The following ZFP2 variants were observed in gnomAD, a reference collection of about 807,000 sequenced individuals.
ZFP2 encodes zinc finger protein ZFP2.
ZFP2 carries 33 observed loss-of-function variants against 36.1 expected under a neutral mutation model. The ratio of observed to expected loss-of-function variants is 0.92; its 90% confidence interval spans 0.69 to 1.22. ZFP2 has a LOEUF of 1.22. Among genes scored for constraint, ZFP2 ranks in the 50% most tolerant of loss-of-function variants. The probability of loss-of-function intolerance (pLI) is 0.00; values close to 1 mark genes in which losing one functional copy is unlikely to be tolerated. For missense variants in ZFP2, 522 were observed against 551.4 expected (o/e 0.95, Z 0.53); for synonymous variants, 170 against 178.0 (o/e 0.96, Z 0.36).
At position 178,906,386 on chromosome 5, in the gene ZFP2, T is replaced by G. The variant is rs190254690; in HGVS notation, c.-449-6198T>G. On this transcript the variant is annotated intron_variant, in intron 1 of 4. Coordinates refer to ENST00000361362, the MANE Select transcript of ZFP2 (RefSeq NM_030613.4). ...TTTTTGTTTTCACATATATTCTCCC[T>G]TATCTGATAACGTTATTCTCACTGC... 6.2e-3 allele frequency among the ~76,000 whole-genome samples: 945 copies of G among 152,332 alleles called. 6 individuals carry two copies. The highest frequency in any genetic ancestry group is 0.017 in the Middle Eastern group (5 of 294).
Position 178,925,136 on chromosome 5 carries a change from C to T in ZFP2, c.-77-6101C>T, listed in dbSNP as rs868265217. On this transcript the variant is annotated intron_variant, in intron 4 of 4. Coordinates refer to ENST00000361362, the MANE Select transcript of ZFP2 (RefSeq NM_030613.4). ...ATATATATATATATATACACACACA[C>T]ACACACACACACACATATATATACA... Among the ~76,000 whole-genome samples the T allele has an allele frequency of 6.0e-4, 53 of 87,658 alleles. 6 individuals carry two copies. Among genetic ancestry groups the T allele is most frequent in the South Asian group, 3.8e-3 (11 of 2,914 alleles). 57.5% of individuals were successfully genotyped at this position (87,658 alleles called of 152,430 possible). A position where few individuals can be genotyped will look rare whatever the true frequency, so the allele number is the denominator to read the frequency against.
Position 178,932,899 on chromosome 5 carries a change from T to C in ZFP2, c.*200T>C. The C allele has an allele frequency of 3.0e-6, 2 of 674,462 alleles. No homozygotes were observed. The highest frequency in any genetic ancestry group is 4.7e-6 in the Non-Finnish European group (2 of 425,666). 41.8% of individuals were successfully genotyped at this position (674,462 alleles called of 1,614,324 possible). A position where few individuals can be genotyped will look rare whatever the true frequency, so the allele number is the denominator to read the frequency against. On this transcript the variant is annotated 3_prime_UTR_variant, in exon 5 of 5. Coordinates refer to ENST00000361362, the MANE Select transcript of ZFP2 (RefSeq NM_030613.4). ...GATTCAGAATGTATAATTTCCTTTATATCAGAAGGTTTAAATAGCTAATAT... is the reference window on the plus strand; with the variant it reads ...GATTCAGAATGTATAATTTCCTTTACATCAGAAGGTTTAAATAGCTAATAT...
At position 178,925,551 on chromosome 5, in the gene ZFP2, C is replaced by G; in HGVS notation, c.-77-5686C>G. Among the ~76,000 whole-genome samples, 2 of 149,632 alleles carry G rather than the reference C, an allele frequency of 1.3e-5. 1 individual carries two copies. Among genetic ancestry groups the G allele is most frequent in the Non-Finnish European group, 3.0e-5 (2 of 66,688 alleles). Reference sequence around the variant, plus strand: ...TCCCACTATTGCATCTTTCCAAAATCTGAAGCTGTCAGTTTGAATTTTTAC... The same window carrying G: ...TCCCACTATTGCATCTTTCCAAAATGTGAAGCTGTCAGTTTGAATTTTTAC... On this transcript the variant is annotated intron_variant, in intron 4 of 4. Coordinates refer to ENST00000361362, the MANE Select transcript of ZFP2 (RefSeq NM_030613.4).
chr5:178,922,645 T>A (rs181661089), intron 4 of ZFP2: 1 of 1,587,022 alleles, frequency 6.3e-7, no homozygotes, highest in East Asian at 2.2e-5. Context: ...GCGACCTTTG[T>A]CCACGTGGCT....
At chr5:178,920,512 C>G (rs1001835673) in intron 4 of ZFP2, among the ~76,000 whole-genome samples, 1 of 151,966 alleles carries the variant, frequency 6.6e-6, no homozygotes, top group Non-Finnish European at 1.5e-5. Context: ...TGGCGTGTAC[C>G]TGTAGTCCCA....
In ZFP2 at chr5:178,932,471, A is replaced by G. The variant is rs569581906; in HGVS notation, c.1158A>G (p.Glu386=). The G allele has an allele frequency of 1.1e-4, 174 of 1,614,134 alleles. No homozygotes were observed. In the South Asian group the frequency reaches 1.7e-3, roughly 16 times the overall value. Reference sequence around the variant, plus strand: ...GAGAGAAACCTTATGAGTGCAATGAATGTGGAAAGGCATTCAGCCAGAGTG... The same window carrying G: ...GAGAGAAACCTTATGAGTGCAATGAGTGTGGAAAGGCATTCAGCCAGAGTG... ...HTGEKPYECN[E]CGKAFSQSAY... The change falls in exon 5 of 5, where the codon GAA becomes GAG. Residue 386 remains glutamate (E), a synonymous_variant. Transcript: ENST00000361362.
chr5:178,908,111 G>T (rs548691739), intron 1 of ZFP2, among the ~76,000 whole-genome samples: 2 of 152,288 alleles, frequency 1.3e-5, no homozygotes, highest in South Asian at 2.1e-4. Flanking sequence ...AATGCAGTGT[G>T]ATTAAGTTAA....
At chr5:178,907,328 T>TATATTTTATATAGTTAAAATATATAC (rs1561679060) in intron 1 of ZFP2, among the ~76,000 whole-genome samples, 2 of 151,478 alleles carry the variant, frequency 1.3e-5, no homozygotes, top group Non-Finnish European at 2.9e-5. Context: ...TGTACACATA[T>TATATTTTATATAGTTAAAATATATAC]ATATTTTATA....
chr5:178,930,568 G>A (rs1165257877), intron 4 of ZFP2, among the ~76,000 whole-genome samples: 1 of 151,990 alleles, frequency 6.6e-6, no homozygotes, highest in African/African-American at 2.4e-5. Context: ...TGATCCGCCT[G>A]CCTTGGCCTC....
intron 1 of ZFP2, among the ~76,000 whole-genome samples, chr5:178,908,605 T>A (rs2113071333): frequency 7.6e-6 from 1 of 132,400 alleles, no homozygotes; most frequent in East Asian, 2.6e-4. Context: ...CTCCCTGCTC[T>A]ATGCCTTCCC....
chr5:178,916,737 G>A (rs1758439184), intron 4 of ZFP2, 27 bp downstream of exon 4: 1 of 985,076 alleles, frequency 1.0e-6, no homozygotes, highest in African/African-American at 1.7e-5. Flanking sequence ...CTCTTACGGT[G>A]GAAGACATTG....
intron 4 of ZFP2, among the ~76,000 whole-genome samples, chr5:178,927,579 C>T (rs1164811849): frequency 6.6e-6 from 1 of 151,544 alleles, no homozygotes; most frequent in Non-Finnish European, 1.5e-5. Flanking sequence ...TCACTGCAAC[C>T]TCCACCTCCC....
At chr5:178,899,577 G>T (rs190288209) in intron 1 of ZFP2, among the ~76,000 whole-genome samples, 2 of 151,876 alleles carry the variant, frequency 1.3e-5, no homozygotes, top group Admixed American at 1.3e-4. Context: ...GGAGGAGTTT[G>T]TGTGTTTGGC....
At chr5:178,898,568 C>T (rs977342187) in intron 1 of ZFP2, among the ~76,000 whole-genome samples, 6 of 152,144 alleles carry the variant, frequency 3.9e-5, no homozygotes, top group African/African-American at 1.4e-4. Flanking sequence ...GGCTTCTTTC[C>T]CTTCCCTCAG....
rs138314178 is a variant in ZFP2, at chr5:178,931,958, A to G, written c.645A>G (p.Lys215=). The G allele has an allele frequency of 6.2e-6, 10 of 1,613,704 alleles. No individual in the cohort carries two copies. Among genetic ancestry groups the G allele is most frequent in the Non-Finnish European group, 8.5e-6 (10 of 1,179,926 alleles). ...ERIHTGEKPY[K]CNECGKAFTQ... ...TTCATACTGGAGAGAAACCCTACAA[A>G]TGTAATGAATGTGGTAAAGCTTTTA... The change falls in exon 5 of 5, where the codon AAA becomes AAG. Residue 215 remains lysine (K), a synonymous_variant. Coordinates refer to ENST00000361362, the MANE Select transcript of ZFP2 (RefSeq NM_030613.4).
At chr5:178,921,901 T>C (rs78804526) in intron 4 of ZFP2, among the ~76,000 whole-genome samples, 1 of 149,594 alleles carries the variant, frequency 6.7e-6, no homozygotes, top group African/African-American at 2.4e-5. Context: ...CTACTCCACC[T>C]TATCAGGAAG....
At chr5:178,900,996 G>A (rs1018881942) in intron 1 of ZFP2, among the ~76,000 whole-genome samples, 10 of 152,196 alleles carry the variant, frequency 6.6e-5, no homozygotes, top group East Asian at 1.9e-4. Flanking sequence ...ACATGATATT[G>A]TGTGTAGTAA....
At chr5:178,918,008 T>C (rs1324055499) in intron 4 of ZFP2, among the ~76,000 whole-genome samples, 1 of 152,214 alleles carries the variant, frequency 6.6e-6, no homozygotes, top group Non-Finnish European at 1.5e-5. Context: ...ACCTTTTCAG[T>C]GAGGCCTTTT....
chr5:178,931,391 T>C lies in ZFP2; in HGVS notation c.78T>C (p.Asp26=), dbSNP rs369777933. The change falls in exon 5 of 5, where the codon GAT becomes GAC. Residue 26 remains aspartate, a synonymous_variant. Coordinates refer to ENST00000361362, the MANE Select transcript of ZFP2 (RefSeq NM_030613.4). Reference sequence around the variant, plus strand: ...ATAATTGGTTAGAGGGACAACAGGATAGTCATCTGAGCCAAGTGGGAGTTA... The same window carrying C: ...ATAATTGGTTAGAGGGACAACAGGACAGTCATCTGAGCCAAGTGGGAGTTA... ...EPNNWLEGQQ[D]SHLSQVGVTH... is the part of the protein sequence containing the mutation. 1 of 1,614,130 alleles carries C rather than the reference T, an allele frequency of 6.2e-7. No individual in the cohort carries two copies. The highest frequency in any genetic ancestry group is 8.5e-7 in the Non-Finnish European group (1 of 1,180,014).
Sources: allele counts gnomAD v4.1 joint callset (sites outside exome capture counted in the v4.1 genomes callset), GRCh38; gene constraint gnomAD v4.1.1; transcripts MANE v1.5; gene names NCBI Gene and HGNC (gene_info 2026-07-23, HGNC 2026-07-21).